The following FAT3 variants were observed in gnomAD, a reference collection of about 807,000 sequenced individuals.
FAT3 encodes the protein protocadherin Fat 3.
Under a neutral mutation model 310.2 loss-of-function variants are expected in FAT3, and 95 were observed. The ratio of observed to expected loss-of-function variants is 0.31; its 90% CI spans 0.26 to 0.36. The LOEUF is 0.36. Among genes scored for constraint, FAT3 ranks in the 10% least tolerant of loss-of-function variants. FAT3 has a pLI of 1.00. For missense variants in FAT3, 5,408 were observed against 5,715.6 expected (o/e 0.95, Z 1.74); for synonymous variants, 2,314 against 2,192.9 (o/e 1.06, Z -1.54).
chr11:92,670,775 G>A (rs1943102934), intron 3 of FAT3, among the ~76,000 whole-genome samples: 1 of 152,226 alleles, frequency 6.6e-6, no homozygotes, highest in Non-Finnish European at 1.5e-5. Flanking sequence ...GCAGGGAAGT[G>A]AGACAGGTTA....
At chr11:92,509,304 A>C (rs1017614015) in intron 2 of FAT3, among the ~76,000 whole-genome samples, 2 of 152,204 alleles carry the variant, frequency 1.3e-5, no homozygotes, top group Non-Finnish European at 2.9e-5. Flanking sequence ...ATTTAGTCAA[A>C]TGCATTTAAA....
At chr11:92,278,771 C>T (rs572956013) in intron 1 of FAT3, among the ~76,000 whole-genome samples, 86 of 152,244 alleles carry the variant, frequency 5.6e-4, no homozygotes, top group African/African-American at 2.0e-3. Flanking sequence ...AGCAATTCAT[C>T]TTAGGTTTCC....
rs774091969 is a variant in FAT3 at position 92,800,589 on chromosome 11, G to A, written c.7576G>A (p.Gly2526Arg). ...TGTTCGAGCCACAGATGGTGATCCA[G>A]GGACTTATGGGCAGATCAGCTATGC... ...IHVRATDGDP[G>R]TYGQISYAII... The change falls in exon 10 of 28, where the codon GGG (glycine) becomes AGG (arginine). Residue 2526 changes from glycine (G) to arginine (R), a missense_variant. Gly to Arg is a moderately radical substitution (Grantham distance 125). Coordinates refer to ENST00000525166, the MANE Select transcript of FAT3 (RefSeq NM_001367949.2). 2.2e-5 allele frequency: 35 copies of A among 1,613,666 alleles called. No individual in the cohort carries two copies. The highest frequency in any genetic ancestry group is 2.9e-5 in the Non-Finnish European group (34 of 1,179,826).
chr11:92,638,176 G>A (rs1163501512), intron 3 of FAT3, among the ~76,000 whole-genome samples: 1 of 152,158 alleles, frequency 6.6e-6, no homozygotes, highest in South Asian at 2.1e-4. Context: ...TGGGTGATAG[G>A]GTGACCATTT....
chr11:92,293,553 A>ATATATATAT (rs1565206851), intron 1 of FAT3, among the ~76,000 whole-genome samples: 68 of 16,108 alleles, frequency 4.2e-3, no homozygotes, highest in African/African-American at 9.6e-3. Context: ...TATATATATA[A>ATATATATAT]ATAAAATATA....
intron 2 of FAT3, among the ~76,000 whole-genome samples, chr11:92,506,367 T>C (rs1173694095): frequency 6.6e-6 from 1 of 152,122 alleles, no homozygotes; most frequent in Non-Finnish European, 1.5e-5. Context: ...CTGACCTAAA[T>C]TGAGCCAAAA....
At chr11:92,279,106 A>C (rs932698949) in intron 1 of FAT3, among the ~76,000 whole-genome samples, 1 of 152,216 alleles carries the variant, frequency 6.6e-6, no homozygotes, top group African/African-American at 2.4e-5. Flanking sequence ...ATATTATTTT[A>C]AATTACATTA....
intron 7 of FAT3, among the ~76,000 whole-genome samples, chr11:92,786,211 A>G (rs1364512376): frequency 6.6e-6 from 1 of 152,216 alleles, no homozygotes; most frequent in African/African-American, 2.4e-5. Flanking sequence ...ATGTTTTAAA[A>G]TGAATGTGTT....
At chr11:92,770,021 C>G (rs562902604) in intron 6 of FAT3, among the ~76,000 whole-genome samples, 6 of 152,164 alleles carry the variant, frequency 3.9e-5, no homozygotes, top group Non-Finnish European at 7.3e-5. Flanking sequence ...ATTTCTCTAG[C>G]GAAAGACTCT....
intron 4 of FAT3, among the ~76,000 whole-genome samples, chr11:92,756,520 T>C (rs1226234865): frequency 6.6e-6 from 1 of 152,176 alleles, no homozygotes; most frequent in Non-Finnish European, 1.5e-5. Flanking sequence ...TCATTTGTGG[T>C]GAATTAATGG....
intron 2 of FAT3, among the ~76,000 whole-genome samples, chr11:92,476,109 A>G (rs892916556): frequency 6.6e-6 from 1 of 151,862 alleles, no homozygotes; most frequent in Non-Finnish European, 1.5e-5. Context: ...AAGTGTGTGC[A>G]GGGGAAGGGA....
At chr11:92,870,900 T>C (rs1220582754) in intron 22 of FAT3, among the ~76,000 whole-genome samples, 3 of 152,200 alleles carry the variant, frequency 2.0e-5, no homozygotes, top group Non-Finnish European at 4.4e-5. Flanking sequence ...CTCACCACAG[T>C]ACTCTGAGGT....
intron 16 of FAT3, among the ~76,000 whole-genome samples, chr11:92,836,996 G>A (rs1268738470): frequency 6.6e-6 from 1 of 152,114 alleles, no homozygotes; most frequent in Non-Finnish European, 1.5e-5. Context: ...CTTTCAGGGT[G>A]TTGGGACCCT....
At position 92,817,460 on chromosome 11, in the gene FAT3, GC is replaced by G. The variant is rs542730736; in HGVS notation, c.9481+7388del. ...TCTTTTGATAGAGCTTCCCTGTTTTGCCCCGAGTGTGTATCTCAGCTGTCCT... is the reference window on the plus strand; with the variant it reads ...TCTTTTGATAGAGCTTCCCTGTTTTGCCCGAGTGTGTATCTCAGCTGTCCT... On this transcript the variant is annotated intron_variant, in intron 13 of 27. Coordinates refer to ENST00000525166, the MANE Select transcript of FAT3 (RefSeq NM_001367949.2). Among the ~76,000 whole-genome samples, 421 of 152,276 alleles carry G rather than the reference GC, an allele frequency of 2.8e-3. 1 individual carries two copies. Among genetic ancestry groups the G allele is most frequent in the African/African-American group, 9.4e-3 (391 of 41,550 alleles).
At chr11:92,732,965 A>G (rs573700477) in intron 4 of FAT3, among the ~76,000 whole-genome samples, 2 of 152,334 alleles carry the variant, frequency 1.3e-5, no homozygotes, top group East Asian at 1.9e-4. Context: ...TTTGATGTTA[A>G]AAAACACTGG....
At chr11:92,826,487 A>C (rs1429405688) in intron 13 of FAT3, among the ~76,000 whole-genome samples, 1 of 152,202 alleles carries the variant, frequency 6.6e-6, no homozygotes, top group Non-Finnish European at 1.5e-5. Flanking sequence ...AGGAACCTAA[A>C]CAGGGATTGA....
chr11:92,290,416 A>G (rs923792875), intron 1 of FAT3, among the ~76,000 whole-genome samples: 2 of 152,126 alleles, frequency 1.3e-5, no homozygotes, highest in Admixed American at 6.6e-5. Flanking sequence ...TTCCAGCACA[A>G]TCTGCTTTTT....
chr11:92,839,889 G>C (rs1188919354), intron 17 of FAT3, among the ~76,000 whole-genome samples: 1 of 152,168 alleles, frequency 6.6e-6, no homozygotes, highest in Admixed American at 6.5e-5. Context: ...GCAAAATAAT[G>C]CTTATGTAAT....
At chr11:92,434,028 A>G (rs891237732) in intron 2 of FAT3, among the ~76,000 whole-genome samples, 6 of 151,232 alleles carry the variant, frequency 4.0e-5, no homozygotes, top group African/African-American at 1.2e-4. Flanking sequence ...AAAAAAAAAA[A>G]AAGAAGAACC....
Sources: gnomAD v4.1 joint callset for allele counts (sites outside exome capture counted in the v4.1 genomes callset) on GRCh38, gnomAD v4.1.1 for gene constraint, MANE v1.5 for transcripts, NCBI Gene and HGNC (gene_info 2026-07-23, HGNC 2026-07-21) for gene names.